WASF1: variants seen among roughly 807,000 people sequenced by gnomAD.
WASF1 encodes WASP family member 1.
A neutral mutation model predicts 50.5 loss-of-function variants in WASF1; 7 were observed. The ratio of observed to expected loss-of-function variants is 0.14; its 90% CI spans 0.08 to 0.26. The LOEUF (loss-of-function observed/expected upper bound fraction) is 0.26. Among genes scored for constraint, WASF1 ranks in the 10% least tolerant of loss-of-function variants. The probability of loss-of-function intolerance (pLI) is 1.00; values close to 1 mark genes in which losing one functional copy is unlikely to be tolerated. For missense variants in WASF1, 470 were observed against 694.7 expected (o/e 0.68, Z 3.64); for synonymous variants, 205 against 244.0 (o/e 0.84, Z 1.49).
intron 3 of WASF1, among the ~76,000 whole-genome samples, chr6:110,134,403 T>C (rs888918688): frequency 1.3e-5 from 2 of 151,860 alleles, no homozygotes; most frequent in African/African-American, 4.8e-5. Flanking sequence ...CTCTATTCTG[T>C]TCCATTGTTC....
At chr6:110,115,489 A>G (rs929220789) in intron 4 of WASF1, among the ~76,000 whole-genome samples, 1 of 152,250 alleles carries the variant, frequency 6.6e-6, no homozygotes, top group Admixed American at 6.5e-5. Flanking sequence ...GTACCTTGCC[A>G]GTAAGGGAAT....
intron 3 of WASF1, among the ~76,000 whole-genome samples, chr6:110,128,072 G>A (rs138494962): frequency 6.6e-6 from 1 of 152,204 alleles, no homozygotes; most frequent in Non-Finnish European, 1.5e-5. Context: ...GTTACACACA[G>A]ATTTTCAGCA....
intron 3 of WASF1, among the ~76,000 whole-genome samples, chr6:110,132,491 T>C (rs1378968570): frequency 6.6e-6 from 1 of 151,840 alleles, no homozygotes; most frequent in Non-Finnish European, 1.5e-5. Context: ...TTTGTGGTTA[T>C]TTTGTTTTAT....
intron 4 of WASF1, among the ~76,000 whole-genome samples, chr6:110,118,655 G>C (rs1011571257): frequency 3.9e-5 from 6 of 152,088 alleles, no homozygotes; most frequent in African/African-American, 1.4e-4. Context: ...GGTTAACAAA[G>C]ATATCCAGGA....
At position 110,168,354 on chromosome 6, in the gene WASF1, T is replaced by C. The variant is rs141371799; in HGVS notation, c.-126-7622A>G. On this transcript the variant is annotated intron_variant, in intron 2 of 10. Transcript: ENST00000392589. ...CTAATGAATGAAATTAAGTTCTGTA[T>C]GTACAAATCCTCTGAAAGACATGCT... Among the ~76,000 whole-genome samples, 5 of 152,244 alleles carry C rather than the reference T, an allele frequency of 3.3e-5. No homozygotes were observed. In the East Asian group the frequency reaches 9.7e-4, roughly 29 times the overall value.
chr6:110,152,070 T>A (rs1775849444), intron 3 of WASF1, among the ~76,000 whole-genome samples: 1 of 152,204 alleles, frequency 6.6e-6, no homozygotes, highest in Non-Finnish European at 1.5e-5. Flanking sequence ...TTATATTACA[T>A]GTTAAGAGAG....
At chr6:110,143,263 T>C (rs1343092593) in intron 3 of WASF1, among the ~76,000 whole-genome samples, 1 of 151,962 alleles carries the variant, frequency 6.6e-6, no homozygotes, top group Non-Finnish European at 1.5e-5. Context: ...CAATATCTTA[T>C]ATTGAAAGCC....
In WASF1 at chr6:110,105,413, T is replaced by A; in HGVS notation, c.707A>T (p.Glu236Val). Residue 236 changes from glutamate to valine, a missense_variant, in exon 8 of 11, where the codon GAA (glutamate) becomes GTA (valine). Coordinates refer to ENST00000392589, the MANE Select transcript of WASF1 (RefSeq NM_003931.3). ...EVANGPASHF[E>V]TRPQTYVDHM... ...AAAACAAAAGTAAAGAAACCTTGTT[T>A]CAAAATGAGAGGCTGGGCCATTAGC... 6.3e-7 allele frequency: 1 copy of A among 1,588,224 alleles called. No individual in the cohort carries two copies. The highest frequency in any genetic ancestry group is 8.5e-7 in the Non-Finnish European group (1 of 1,171,428).
rs559920644 is a variant in WASF1 at position 110,101,412 on chromosome 6, T to C, written c.1522+176A>G. On this transcript the variant is annotated intron_variant, in intron 10 of 10. Transcript: ENST00000392589. Reference sequence around the variant, plus strand: ...AAATAAAATGGTCAAATGTGATATATTTTCTGGAAAATAATTTTAAATATA... The same window carrying C: ...AAATAAAATGGTCAAATGTGATATACTTTCTGGAAAATAATTTTAAATATA... Among the ~76,000 whole-genome samples, 44 of 152,276 alleles carry C rather than the reference T, an allele frequency of 2.9e-4. 2 individuals carry two copies. In the South Asian group the frequency reaches 8.9e-3, roughly 31 times the overall value.
At chr6:110,164,315 T>C (rs1237353421) in intron 2 of WASF1, among the ~76,000 whole-genome samples, 2 of 151,618 alleles carry the variant, frequency 1.3e-5, no homozygotes, top group African/African-American at 4.8e-5. Flanking sequence ...TAAAAGACTG[T>C]TATTCAGAAT....
At chr6:110,124,259 T>TCTCC (rs1774302412) in intron 4 of WASF1, among the ~76,000 whole-genome samples, 1 of 61,254 alleles carries the variant, frequency 1.6e-5, no homozygotes, top group Non-Finnish European at 2.9e-5. Flanking sequence ...TCTCTCTCTC[T>TCTCC]CTCTCTCTCT....
chr6:110,100,554 A>T lies in WASF1; in HGVS notation c.1648T>A (p.Ser550Thr). ...AVEYSDSEDD[S>T]EFDEVDWLE Reference sequence around the variant, plus strand: ...AACCAATCTACTTCATCAAATTCTGAATCATCTTCCGAATCACTATATTCA... The same window carrying T: ...AACCAATCTACTTCATCAAATTCTGTATCATCTTCCGAATCACTATATTCA... Residue 550 changes from serine (S) to threonine (T), a missense_variant, in exon 11 of 11, where the codon TCA becomes ACA. Physicochemically the swap from Ser to Thr is moderately conservative, Grantham distance 58. Coordinates refer to ENST00000392589, the MANE Select transcript of WASF1 (RefSeq NM_003931.3). The T allele has an allele frequency of 1.2e-6, 2 of 1,612,862 alleles. No homozygotes were observed. Among genetic ancestry groups the T allele is most frequent in the Non-Finnish European group, 1.7e-6 (2 of 1,179,544 alleles).
Position 110,109,552 on chromosome 6 carries a change from CTT to C in WASF1, c.269-873_269-872del, listed in dbSNP as rs374420298. Among the ~76,000 whole-genome samples the C allele has an allele frequency of 7.5e-3, 1,019 of 135,434 alleles. 11 individuals are homozygous for C. Among genetic ancestry groups the C allele is most frequent in the African/African-American group, 0.025 (919 of 36,236 alleles). The allele number at this position is 135,434 out of a possible 152,430, so 88.8% of individuals were successfully genotyped here. A position where few individuals can be genotyped will look rare whatever the true frequency, so the allele number is the denominator to read the frequency against. ...GGTCAGTATAACAATCCTAACAATT[CTT>C]TTTTTTTTTTTTTTTGAGACAGAGT... is the stretch of plus-strand genomic sequence containing the variant. On this transcript the variant is annotated intron_variant, in intron 5 of 10. Coordinates refer to ENST00000392589, the MANE Select transcript of WASF1 (RefSeq NM_003931.3).
intron 1 of WASF1, among the ~76,000 whole-genome samples, chr6:110,179,160 G>A (rs1003087638): frequency 6.6e-6 from 1 of 152,204 alleles, no homozygotes; most frequent in East Asian, 1.9e-4. Context: ...GACACCCACA[G>A]TCTCTCCAGC....
intron 5 of WASF1, among the ~76,000 whole-genome samples, chr6:110,111,479 G>A (rs1773552814): frequency 6.6e-6 from 1 of 151,836 alleles, no homozygotes; most frequent in Non-Finnish European, 1.5e-5. Flanking sequence ...ATAAAAACAC[G>A]AATAATACAA....
At chr6:110,138,594 A>C (rs998226881) in intron 3 of WASF1, among the ~76,000 whole-genome samples, 1 of 152,180 alleles carries the variant, frequency 6.6e-6, no homozygotes, top group Non-Finnish European at 1.5e-5. Context: ...GATCATCCCA[A>C]TGAGTGTCCA....
chr6:110,160,522 A>G (rs2114601155), intron 3 of WASF1, 113 bp downstream of exon 3: 1 of 151,934 alleles, frequency 6.6e-6, no homozygotes. Context: ...GATGCTTTCA[A>G]GACCAGTCCA....
At chr6:110,177,508 T>C (rs1409772765) in intron 2 of WASF1, among the ~76,000 whole-genome samples, 1 of 152,110 alleles carries the variant, frequency 6.6e-6, no homozygotes, top group Non-Finnish European at 1.5e-5. Flanking sequence ...TTTTTAATCA[T>C]TCATCAGCTA....
Position 110,113,308 on chromosome 6 carries a change from C to CAATAT in WASF1, c.268+13_268+17dup. 6.6e-7 allele frequency: 1 copy of CAATAT among 1,513,332 alleles called. No individual in the cohort carries two copies. Among genetic ancestry groups the CAATAT allele is most frequent in the Non-Finnish European group, 8.8e-7 (1 of 1,132,286 alleles). 93.7% of individuals were successfully genotyped at this position (1,513,332 alleles called of 1,614,324 possible). On this transcript the variant is annotated intron_variant, in intron 5 of 10. Coordinates refer to ENST00000392589, the MANE Select transcript of WASF1 (RefSeq NM_003931.3). ...TAAAATATATACGTAGAAGAAAATA[C>CAATAT]AATATTAATAAGCTTACATTCTTCT...
Sources: allele counts gnomAD v4.1 joint callset (sites outside exome capture counted in the v4.1 genomes callset), GRCh38; gene constraint gnomAD v4.1.1; transcripts MANE v1.5; gene names NCBI Gene and HGNC (gene_info 2026-07-23, HGNC 2026-07-21).